The following MTHFD1L variants were observed in gnomAD, a reference collection of about 807,000 sequenced individuals.
MTHFD1L encodes monofunctional C1-tetrahydrofolate synthase, mitochondrial.
In MTHFD1L, 81 loss-of-function variants were observed where a neutral mutation model predicts 119.5. That is an observed-to-expected ratio of 0.68 (90% CI 0.57 to 0.82). MTHFD1L has a LOEUF of 0.82. Among genes scored for constraint, MTHFD1L ranks in the 40% least tolerant of loss-of-function variants. The pLI is 0.00. For synonymous variants in MTHFD1L, 430 were observed against 475.2 expected (o/e 0.90, Z 1.24); for missense variants, 1,125 against 1,253.4 (o/e 0.90, Z 1.55).
chr6:151,057,553 G>T, intron 26 of MTHFD1L, among the ~76,000 whole-genome samples: 1 of 151,916 alleles, frequency 6.6e-6, no homozygotes, highest in Non-Finnish European at 1.5e-5. Flanking sequence ...CATCGCTTGG[G>T]CCCAGGAGGT....
At chr6:150,918,513 A>G in intron 8 of MTHFD1L, 64 bp from the exon 9 acceptor site, 4 of 1,132,600 alleles carry the variant, frequency 3.5e-6, no homozygotes, top group Non-Finnish European at 5.4e-6. Flanking sequence ...GCTGTTTACA[A>G]GGAGCAATTG....
At chr6:150,885,941 AGAT>A (rs563490801) in intron 6 of MTHFD1L, among the ~76,000 whole-genome samples, 2 of 152,220 alleles carry the variant, frequency 1.3e-5, no homozygotes, top group Admixed American at 6.5e-5. Flanking sequence ...TGGGAGATAC[AGAT>A]GAATACCTAG....
intron 26 of MTHFD1L, among the ~76,000 whole-genome samples, chr6:151,063,682 A>G (rs1315962532): frequency 1.3e-5 from 2 of 152,248 alleles, no homozygotes; most frequent in African/African-American, 4.8e-5. Flanking sequence ...TGACAAATTC[A>G]TGAAGCCTTC....
At chr6:151,091,976 T>C (rs1418533371) in intron 26 of MTHFD1L, among the ~76,000 whole-genome samples, 1 of 152,112 alleles carries the variant, frequency 6.6e-6, no homozygotes, top group African/African-American at 2.4e-5. Context: ...TCAGTAGATA[T>C]CAGTTACTGT....
At chr6:150,998,628 G>A (rs539517) in intron 20 of MTHFD1L, among the ~76,000 whole-genome samples, 79,790 of 147,586 alleles carry the variant, frequency 0.54, 22,842 homozygotes, top group East Asian at 0.71. Context: ...ATCTCGTGTG[G>A]CGGGTTGCAG....
At chr6:150,931,290 T>G (rs1200940299) in intron 11 of MTHFD1L, among the ~76,000 whole-genome samples, 1 of 121,702 alleles carries the variant, frequency 8.2e-6, no homozygotes, top group East Asian at 2.0e-4. Flanking sequence ...TTTTTTTTTT[T>G]TCTGCAGAGG....
intron 17 of MTHFD1L, chr6:150,959,211 A>G: frequency 1.0e-6 from 1 of 984,728 alleles, no homozygotes; most frequent in South Asian, 4.7e-5. Flanking sequence ...GGAAGTAGCC[A>G]GAAAGCTCCT....
chr6:151,070,965 C>T (rs551793777), intron 26 of MTHFD1L, among the ~76,000 whole-genome samples: 5 of 152,188 alleles, frequency 3.3e-5, no homozygotes, highest in Non-Finnish European at 7.3e-5. Flanking sequence ...ATCCCCTCTG[C>T]CTACAGGGAG....
rs35978918 is a variant in MTHFD1L, at chr6:150,961,089, CTTTTTT to C, written c.1944+691_1944+696del. 4.4e-5 allele frequency among the ~76,000 whole-genome samples: 5 copies of C among 113,410 alleles called. No individual in the cohort carries two copies. The East Asian group carries it at 1.2e-3, about 27-fold the overall frequency. 74.4% of individuals were successfully genotyped at this position (113,410 alleles called of 152,430 possible). On this transcript the variant is annotated intron_variant, in intron 18 of 27. Transcript: ENST00000367321. ...GTATAATAACAACCTTTCCTGTTAA[CTTTTTT>C]TTTTTTTTTTTTTTTTCTGAGACAG...
At chr6:150,894,362 G>T (rs918628543) in intron 7 of MTHFD1L, among the ~76,000 whole-genome samples, 2 of 152,142 alleles carry the variant, frequency 1.3e-5, no homozygotes, top group African/African-American at 4.8e-5. Context: ...GAAGGAGAGA[G>T]TGTCTCCAGC....
At chr6:150,993,749 C>T (rs1300452262) in intron 20 of MTHFD1L, among the ~76,000 whole-genome samples, 1 of 152,102 alleles carries the variant, frequency 6.6e-6, no homozygotes. Context: ...AGCTTACGAT[C>T]CTTCCTCTCT....
chr6:151,020,914 A>G (rs1415781880), intron 24 of MTHFD1L, among the ~76,000 whole-genome samples: 1 of 152,220 alleles, frequency 6.6e-6, no homozygotes, highest in East Asian at 1.9e-4. Flanking sequence ...TCCCTCCTCC[A>G]TACGTTCTTC....
chr6:151,008,838 C>T (rs7767471), intron 20 of MTHFD1L, among the ~76,000 whole-genome samples: 38,755 of 151,872 alleles, frequency 0.26, 5,332 homozygotes, highest in Middle Eastern at 0.32. Flanking sequence ...AAGAAAGGGT[C>T]GGGTGTGGTG....
chr6:150,895,104 G>A (rs1158622769), intron 7 of MTHFD1L, among the ~76,000 whole-genome samples: 4 of 152,158 alleles, frequency 2.6e-5, no homozygotes, highest in East Asian at 1.9e-4. Flanking sequence ...GGAACCCCCC[G>A]CCTTTCCTCC....
chr6:150,968,046 C>T (rs1166553605), intron 19 of MTHFD1L, among the ~76,000 whole-genome samples: 1 of 152,088 alleles, frequency 6.6e-6, no homozygotes, highest in Admixed American at 6.5e-5. Flanking sequence ...TGGGCCACTT[C>T]CTGATATTCT....
chr6:150,921,071 C>T (rs1233682658), intron 9 of MTHFD1L, among the ~76,000 whole-genome samples: 1 of 151,644 alleles, frequency 6.6e-6, no homozygotes, highest in African/African-American at 2.4e-5. Context: ...CCCGCCTCAG[C>T]CTCCTGAGTA....
At position 150,916,467 on chromosome 6, in the gene MTHFD1L, A is replaced by AT. The variant is rs1377270100; in HGVS notation, c.893-2078dup. Among the ~76,000 whole-genome samples the AT allele has an allele frequency of 7.6e-3, 294 of 38,722 alleles. 6 individuals are homozygous for AT. The highest frequency in any genetic ancestry group is 9.2e-3 in the Non-Finnish European group (206 of 22,374). The allele number at this position is 38,722 out of a possible 152,430, so 25.4% of individuals were successfully genotyped here. A position where few individuals can be genotyped will look rare whatever the true frequency, so the allele number is the denominator to read the frequency against. On this transcript the variant is annotated intron_variant, in intron 8 of 27. Coordinates refer to ENST00000367321, the MANE Select transcript of MTHFD1L (RefSeq NM_015440.5). Reference sequence around the variant, plus strand: ...AGGTGTGCACCACCACGCCCAGCTAATTTTTTTTTTTTTTTTTTTTTTTTT... The same window carrying AT: ...AGGTGTGCACCACCACGCCCAGCTAATTTTTTTTTTTTTTTTTTTTTTTTTT...
Position 150,926,438 on chromosome 6 carries a change from G to C in MTHFD1L, c.1256+143G>C. 1.2e-6 allele frequency: 1 copy of C among 820,872 alleles called. No homozygotes were observed. The highest frequency in any genetic ancestry group is 2.2e-5 in the South Asian group (1 of 45,990). The allele number at this position is 820,872 out of a possible 1,614,324, so 50.8% of individuals were successfully genotyped here. On this transcript the variant is annotated intron_variant, in intron 11 of 27. Coordinates refer to ENST00000367321, the MANE Select transcript of MTHFD1L (RefSeq NM_015440.5). This position sits in a 1 kb window ranked among gnomAD's most constrained non-coding sequence, Gnocchi z 4.3. ...ATTTCATTTGGCATTTCTTTATTTG[G>C]TGTGAGATAAGTTTTTATTTTCAGT...
Position 150,887,911 on chromosome 6 carries a change from A to G in MTHFD1L, c.710A>G (p.Gln237Arg), listed in dbSNP as rs745788521. ...CATGGGTCTTTGGAAGCTGCTCTAC[A>G]ATGCCTGTTCCAGAGAAAAGGGTCC... ...GAHGSLEAAL[Q>R]CLFQRKGSMT... Residue 237 changes from glutamine to arginine, a missense_variant, in exon 7 of 28, where the codon CAA (glutamine) becomes CGA (arginine). This residue lies in a region of MTHFD1L where 1,058 missense variants were observed against 1,151.2 expected (regional missense o/e 0.92). Coordinates refer to ENST00000367321, the MANE Select transcript of MTHFD1L (RefSeq NM_015440.5). The G allele has an allele frequency of 3.1e-6, 5 of 1,611,286 alleles. No individual in the cohort carries two copies. Among genetic ancestry groups the G allele is most frequent in the Non-Finnish European group, 4.2e-6 (5 of 1,178,998 alleles).
Sources: gnomAD v4.1 joint callset for allele counts (sites outside exome capture counted in the v4.1 genomes callset) on GRCh38, gnomAD v4.1.1 for gene constraint, gnomAD v4.1.1 regional missense constraint, Gnocchi (gnomAD v3.1) non-coding constraint, MANE v1.5 for transcripts, NCBI Gene and HGNC (gene_info 2026-07-23, HGNC 2026-07-21) for gene names.